Variants in PMPCB observed in about 807,000 individuals in gnomAD.
PMPCB encodes peptidase, mitochondrial processing subunit beta, also known as mitochondrial-processing peptidase subunit beta.
PMPCB carries 46 observed loss-of-function variants against 61.5 expected under a neutral mutation model. The ratio of observed to expected loss-of-function variants is 0.75; its 90% CI spans 0.59 to 0.96. The LOEUF is 0.96. Among genes scored for constraint, PMPCB ranks in the 40% least tolerant of loss-of-function variants. The pLI, the probability that PMPCB is intolerant of heterozygous loss-of-function variation, is 0.00. For missense variants in PMPCB, 590 were observed against 602.4 expected, an observed-to-expected ratio of 0.98 and a Z score of 0.22; for synonymous variants, 191 against 201.6, an observed-to-expected ratio of 0.95 and a Z score of 0.44.
At chr7:103,328,513 C>T (rs997305613) in intron 12 of PMPCB, among the ~76,000 whole-genome samples, 6 of 151,938 alleles carry the variant, frequency 3.9e-5, no homozygotes, top group Non-Finnish European at 8.8e-5. Flanking sequence ...TGCCTGTGGT[C>T]CCAGCTACTC....
At position 103,312,931 on chromosome 7, in the gene PMPCB, C is replaced by G; in HGVS notation, c.*660C>G. 6.2e-7 allele frequency: 1 copy of G among 1,601,272 alleles called. No individual in the cohort carries two copies. Among genetic ancestry groups the G allele is most frequent in the Non-Finnish European group, 8.5e-7 (1 of 1,176,712 alleles). The stretch of plus-strand genomic sequence containing the variant: ...AATTTAAAATACAACAATCTATAAA[C>G]GCTTAAGTCTGCAACCTTGTATCGT... On this transcript the variant is annotated 3_prime_UTR_variant, in exon 13 of 13. Transcript: ENST00000249269.
chr7:103,314,162 T>C lies in PMPCB; in HGVS notation c.*1891T>C. On this transcript the variant is annotated 3_prime_UTR_variant, in exon 13 of 13. Transcript: ENST00000249269. Reference sequence around the variant, plus strand: ...AAGTTCTAGGAAGTCTTTTGTTGAATTTCCTTGTATTGGTTTAAAGCCCTA... The same window carrying C: ...AAGTTCTAGGAAGTCTTTTGTTGAACTTCCTTGTATTGGTTTAAAGCCCTA... 1 of 985,444 alleles carries C rather than the reference T, an allele frequency of 1.0e-6. No homozygotes were observed. The highest frequency in any genetic ancestry group is 1.2e-6 in the Non-Finnish European group (1 of 829,928). The allele number at this position is 985,444 out of a possible 1,614,324, so 61.0% of individuals were successfully genotyped here.
chr7:103,310,610 G>A, intron 9 of PMPCB, 135 bp downstream of exon 9: 2 of 512,620 alleles, frequency 3.9e-6, no homozygotes, highest in Non-Finnish European at 6.4e-6. Context: ...TAGTTGCCAT[G>A]TTTTCAAAGG....
rs1247007949 is a variant in PMPCB, at chr7:103,304,587, C to T, written c.736+97C>T. ...TGTTGGGAGATACCCTAAGAATTTT[C>T]ATTTACATAGCAAATAACTGATAGT... On this transcript the variant is annotated intron_variant, in intron 6 of 12. Transcript: ENST00000249269. 3 of 798,774 alleles carry T rather than the reference C, an allele frequency of 3.8e-6. No homozygotes were observed. In the African/African-American group the frequency reaches 5.1e-5, roughly 14 times the overall value. 49.5% of individuals were successfully genotyped at this position (798,774 alleles called of 1,614,324 possible). A position where few individuals can be genotyped will look rare whatever the true frequency, so the allele number is the denominator to read the frequency against.
downstream of PMPCB, among the ~76,000 whole-genome samples, chr7:103,334,324 G>A (rs1819084033): frequency 6.6e-6 from 1 of 151,740 alleles, no homozygotes; most frequent in Admixed American, 6.5e-5. Context: ...CACTTTGGGA[G>A]ACTGAGGCAG....
In PMPCB at chr7:103,303,878, C is replaced by T. The variant is rs151287650; in HGVS notation, c.494C>T (p.Thr165Ile). Residue 165 changes from threonine to isoleucine, a missense_variant, in exon 5 of 13, where the codon ACA (threonine) becomes ATA (isoleucine). Thr to Ile is a moderately conservative substitution (Grantham distance 89). Transcript: ENST00000249269. ...CTTGCTGATATAATACAAAACAGCA[C>T]ATTGGGAGAAGCAGAGATTGAACGT... ...EILADIIQNS[T>I]LGEAEIERER... 3.7e-6 allele frequency: 6 copies of T among 1,613,456 alleles called. No homozygotes were observed. Among genetic ancestry groups the T allele is most frequent in the Middle Eastern group, 1.6e-4 (1 of 6,078 alleles).
intron 12 of PMPCB, chr7:103,320,762 CATATAT>C (rs71519145): frequency 2.0e-3 from 277 of 135,838 alleles, no homozygotes; most frequent in South Asian, 5.4e-3. Flanking sequence ...TATATATACA[CATATAT>C]ATATATATAT....
intron 8 of PMPCB, among the ~76,000 whole-genome samples, chr7:103,309,708 G>A (rs1440823624): frequency 2.0e-5 from 3 of 152,148 alleles, no homozygotes; most frequent in Non-Finnish European, 2.9e-5. Context: ...CCAAGGTGAT[G>A]TAAGAACATT....
At chr7:103,306,783 T>A (rs1339500683) in intron 6 of PMPCB, among the ~76,000 whole-genome samples, 1 of 152,096 alleles carries the variant, frequency 6.6e-6, no homozygotes, top group African/African-American at 2.4e-5. Flanking sequence ...AGAGACAGAG[T>A]CTTGCTCTGT....
At chr7:103,308,328 A>G (rs1317118982) in intron 7 of PMPCB, among the ~76,000 whole-genome samples, 4 of 152,240 alleles carry the variant, frequency 2.6e-5, no homozygotes, top group Non-Finnish European at 5.9e-5. Flanking sequence ...TCAATAGAAA[A>G]GTTCAGATTG....
the PMPCB span, among the ~76,000 whole-genome samples, chr7:103,342,802 G>GT: frequency 1.3e-5 from 2 of 151,164 alleles, no homozygotes; most frequent in Admixed American, 6.6e-5. Flanking sequence ...TAAAGACGGG[G>GT]TTTCACCATA....
At chr7:103,330,138 C>G (rs1029741302), downstream of PMPCB, among the ~76,000 whole-genome samples, 7 of 152,196 alleles carry the variant, frequency 4.6e-5, no homozygotes, top group South Asian at 4.1e-4. Context: ...TGTGCTTTCA[C>G]TACCTACTCA....
At chr7:103,322,487 C>T (rs1311586494) in intron 12 of PMPCB, 38 of 1,424,266 alleles carry the variant, frequency 2.7e-5, no homozygotes, top group Non-Finnish European at 3.4e-5. Context: ...ATTTAAAGTC[C>T]ACCTTCATTA....
exon 13 of PMPCB, chr7:103,329,049 C>T: frequency 8.4e-7 from 1 of 1,192,464 alleles, no homozygotes; most frequent in African/African-American, 1.6e-5. Context: ...CACAGTACGT[C>T]TAATTATTTA....
At chr7:103,322,425 T>A in intron 12 of PMPCB, 1 of 1,279,810 alleles carries the variant, frequency 7.8e-7, no homozygotes, top group Non-Finnish European at 1.1e-6. Flanking sequence ...AATTATAGTT[T>A]TTTTTAAAAA....
intron 4 of PMPCB, among the ~76,000 whole-genome samples, chr7:103,301,815 ATTATAC>A (rs1399328719): frequency 6.6e-6 from 1 of 151,666 alleles, no homozygotes; most frequent in Non-Finnish European, 1.5e-5. Context: ...ATTTTTTATT[ATTATAC>A]TTTAAGTTCT....
At chr7:103,338,500 T>C in the PMPCB span, among the ~76,000 whole-genome samples, 1 of 151,116 alleles carries the variant, frequency 6.6e-6, no homozygotes, top group Non-Finnish European at 1.5e-5. Flanking sequence ...TTTCACCTTG[T>C]TGGTCAGGCT....
chr7:103,317,009 T>C, downstream of PMPCB: 1 of 1,612,720 alleles, frequency 6.2e-7, no homozygotes, highest in Non-Finnish European at 8.5e-7. Context: ...CATTTATTTC[T>C]TCTATCTGCA....
the PMPCB span, among the ~76,000 whole-genome samples, chr7:103,339,766 CCA>C: frequency 8.9e-4 from 135 of 151,734 alleles, no homozygotes; most frequent in Non-Finnish European, 1.5e-3. Flanking sequence ...CATGCCCGGT[CCA>C]GTGTTTTTTA....
Sources: gnomAD v4.1 joint callset for allele counts (sites outside exome capture counted in the v4.1 genomes callset) on GRCh38, gnomAD v4.1.1 for gene constraint, MANE v1.5 for transcripts, NCBI Gene and HGNC (gene_info 2026-07-23, HGNC 2026-07-21) for gene names.